NDE1: variants seen among roughly 807,000 people sequenced by gnomAD.
NDE1 encodes nudE neurodevelopment protein 1.
Under a neutral mutation model 43.4 loss-of-function variants are expected in NDE1, and 28 were observed. The ratio of observed to expected loss-of-function variants is 0.65; its 90% CI spans 0.48 to 0.89. The LOEUF (loss-of-function observed/expected upper bound fraction) is 0.89, where lower values mean the gene tolerates loss of function less well. NDE1 is among the 40% of genes least tolerant of loss of function. The pLI is 0.00. For missense variants in NDE1, 441 were observed against 434.1 expected, an observed-to-expected ratio of 1.02 and a Z score of -0.14; for synonymous variants, 184 against 172.0, an observed-to-expected ratio of 1.07 and a Z score of -0.55.
At position 15,687,408 on chromosome 16, in the gene NDE1, G is replaced by A. The variant is rs367651414; in HGVS notation, c.420G>A (p.Gln140=). The A allele has an allele frequency of 1.2e-6, 2 of 1,614,084 alleles. No individual in the cohort carries two copies. Among genetic ancestry groups the A allele is most frequent in the African/African-American group, 2.7e-5 (2 of 74,922 alleles). The change falls in exon 5 of 9, where the codon CAG becomes CAA. Residue 140 remains glutamine (Q), a synonymous_variant. Coordinates refer to ENST00000396354, the MANE Select transcript of NDE1 (RefSeq NM_017668.3). ...ATIMSLEDFE[Q]RLNQAIERNA... ...TCATGTCTCTCGAAGACTTTGAGCA[G>A]CGCTTGAATCAGGCCATCGAAAGAA... is the stretch of plus-strand genomic sequence containing the variant.
chr16:15,724,134 G>A (rs751888585), intron 8 of NDE1, 57 bp from the exon 9 acceptor site: 12 of 1,611,980 alleles, frequency 7.4e-6, no homozygotes, highest in Non-Finnish European at 1.0e-5. Context: ...TCCATGGCCA[G>A]AGTGGGGGAC....
At chr16:15,695,251 G>T (rs532819023) in intron 7 of NDE1, among the ~76,000 whole-genome samples, 2 of 111,640 alleles carry the variant, frequency 1.8e-5, no homozygotes, top group Non-Finnish European at 3.5e-5. Context: ...GGGTTTAAGT[G>T]AATTTTGACA....
intron 1 of NDE1, chr16:15,651,937 T>A (rs1290977210): frequency 6.6e-6 from 1 of 151,980 alleles, no homozygotes; most frequent in Non-Finnish European, 1.5e-5. Context: ...TGAGACGGAG[T>A]CTTGTTCTTG....
At chr16:15,702,595 G>GA in intron 8 of NDE1, among the ~76,000 whole-genome samples, 1 of 150,336 alleles carries the variant, frequency 6.7e-6, no homozygotes, top group South Asian at 2.1e-4. Flanking sequence ...TTTTTATAGA[G>GA]ACGGGGGTCT....
intron 4 of NDE1, among the ~76,000 whole-genome samples, chr16:15,685,815 C>T (rs973404384): frequency 3.3e-5 from 5 of 152,106 alleles, no homozygotes; most frequent in Admixed American, 2.0e-4. Flanking sequence ...TCTCCAAACA[C>T]GTGCTTCTGA....
intron 4 of NDE1, among the ~76,000 whole-genome samples, chr16:15,679,110 CAAA>C (rs552152856): frequency 6.6e-6 from 1 of 151,470 alleles, no homozygotes; most frequent in African/African-American, 2.4e-5. Flanking sequence ...AACAAAAAAA[CAAA>C]AAAAGCACAG....
At chr16:15,709,212 A>C (rs972665500) in intron 8 of NDE1, among the ~76,000 whole-genome samples, 1 of 152,108 alleles carries the variant, frequency 6.6e-6, no homozygotes, top group Non-Finnish European at 1.5e-5. Context: ...AGGTGCTGGG[A>C]TTTGGGATTA....
intron 2 of NDE1, among the ~76,000 whole-genome samples, chr16:15,666,901 C>T (rs2037335015): frequency 6.6e-6 from 1 of 152,154 alleles, no homozygotes; most frequent in African/African-American, 2.4e-5. Flanking sequence ...TTCCTACTTT[C>T]TTTATTCTAG....
At chr16:15,673,132 T>G (rs1596578437) in intron 3 of NDE1, among the ~76,000 whole-genome samples, 1 of 152,218 alleles carries the variant, frequency 6.6e-6, no homozygotes, top group East Asian at 1.9e-4. Context: ...CTTTTTTAAC[T>G]TTTAAATTAG....
intron 4 of NDE1, among the ~76,000 whole-genome samples, chr16:15,681,665 G>A (rs1164778523): frequency 6.6e-6 from 1 of 152,094 alleles, no homozygotes; most frequent in Non-Finnish European, 1.5e-5. Flanking sequence ...TTGGGAGTTT[G>A]TCATTTGTTT....
Position 15,718,500 on chromosome 16 carries a change from C to T in NDE1, c.948-5691C>T, listed in dbSNP as rs573782818. ...TCCCCCGCCTTAAAAGATGCCCCCT[C>T]CTTGGAGTCATGCCTCAGGGGTATT... On this transcript the variant is annotated intron_variant, in intron 8 of 8. Coordinates refer to ENST00000396354, the MANE Select transcript of NDE1 (RefSeq NM_017668.3). 12 of 1,532,800 alleles carry T rather than the reference C, an allele frequency of 7.8e-6. No homozygotes were observed. In the East Asian group the frequency reaches 2.2e-4, roughly 28 times the overall value. The allele number at this position is 1,532,800 out of a possible 1,614,324, so 94.9% of individuals were successfully genotyped here. A position where few individuals can be genotyped will look rare whatever the true frequency, so the allele number is the denominator to read the frequency against.
Position 15,724,424 on chromosome 16 carries a change from T to A in NDE1, c.*173T>A. The A allele has an allele frequency of 6.2e-7, 1 of 1,613,546 alleles. No individual in the cohort carries two copies. The highest frequency in any genetic ancestry group is 8.5e-7 in the Non-Finnish European group (1 of 1,180,016). On this transcript the variant is annotated 3_prime_UTR_variant, in exon 9 of 9. Coordinates refer to ENST00000396354, the MANE Select transcript of NDE1 (RefSeq NM_017668.3). Reference sequence around the variant, plus strand: ...GAGTCGGAGAGCTACAAGGACAGCGTCCAGGGTAGGGTGAGAGGGGGACCA... The same window carrying A: ...GAGTCGGAGAGCTACAAGGACAGCGACCAGGGTAGGGTGAGAGGGGGACCA...
At chr16:15,680,148 C>T (rs2038098854) in intron 4 of NDE1, among the ~76,000 whole-genome samples, 1 of 152,184 alleles carries the variant, frequency 6.6e-6, no homozygotes, top group Non-Finnish European at 1.5e-5. Context: ...GCTGAGCTTA[C>T]AGCCCAAATT....
At position 15,664,387 on chromosome 16, in the gene NDE1, C is replaced by T. The variant is rs567388810; in HGVS notation, c.-43-349C>T. 3.9e-5 allele frequency among the ~76,000 whole-genome samples: 6 copies of T among 152,156 alleles called. No homozygotes were observed. The South Asian group carries it at 8.3e-4, about 21-fold the overall frequency. On this transcript the variant is annotated intron_variant, in intron 1 of 8. Coordinates refer to ENST00000396354, the MANE Select transcript of NDE1 (RefSeq NM_017668.3). ...ATTTATTTATTTTGACACAGAGTCTCGGTCTGTCACTCAAGCTGGAGTGCA... is the reference window on the plus strand; with the variant it reads ...ATTTATTTATTTTGACACAGAGTCTTGGTCTGTCACTCAAGCTGGAGTGCA...
At chr16:15,698,515 T>A (rs2039108599) in intron 8 of NDE1, among the ~76,000 whole-genome samples, 1 of 151,950 alleles carries the variant, frequency 6.6e-6, no homozygotes, top group Admixed American at 6.6e-5. Flanking sequence ...GACAGGAAAT[T>A]AAGAATATTT....
chr16:15,722,812 C>G (rs2040554453), intron 8 of NDE1, among the ~76,000 whole-genome samples: 1 of 152,216 alleles, frequency 6.6e-6, no homozygotes, highest in South Asian at 2.1e-4. Context: ...GCAATCTTGG[C>G]TCACTGCAAC....
intron 7 of NDE1, chr16:15,695,677 G>A (rs2038977421): frequency 2.0e-6 from 2 of 985,314 alleles, no homozygotes; most frequent in Non-Finnish European, 2.4e-6. Context: ...AGTTGTCACT[G>A]TACACAGTGT....
At chr16:15,681,849 G>A (rs1348421084) in intron 4 of NDE1, among the ~76,000 whole-genome samples, 1 of 152,108 alleles carries the variant, frequency 6.6e-6, no homozygotes, top group African/African-American at 2.4e-5. Flanking sequence ...AAGTAGCTGG[G>A]ATTACAGGCG....
chr16:15,677,764 C>G (rs758120562), intron 3 of NDE1, 37 bp from the exon 4 acceptor site: 1 of 1,613,420 alleles, frequency 6.2e-7, no homozygotes, highest in Non-Finnish European at 8.5e-7. Context: ...TCTCAGAAGT[C>G]TTAAGTCATT....
Sources: gnomAD v4.1 joint callset for allele counts (sites outside exome capture counted in the v4.1 genomes callset) on GRCh38, gnomAD v4.1.1 for gene constraint, MANE v1.5 for transcripts, NCBI Gene and HGNC (gene_info 2026-07-23, HGNC 2026-07-21) for gene names.